Variants in KCNMA1 observed in about 807,000 individuals in gnomAD.
KCNMA1 encodes potassium calcium-activated channel subfamily M alpha 1.
Under a neutral mutation model 140.0 loss-of-function variants are expected in KCNMA1, and 29 were observed. The observed-to-expected ratio is 0.21, with a 90% CI of 0.15 to 0.28. KCNMA1 has a LOEUF of 0.28. Ranked by LOEUF, KCNMA1 falls within the 10% of genes least tolerant of loss-of-function variation. The pLI, the probability that KCNMA1 is intolerant of heterozygous loss-of-function variation, is 1.00. For missense variants in KCNMA1, 880 were observed against 1,602.2 expected (o/e 0.55, Z 7.70); for synonymous variants, 612 against 611.9 (o/e 1.00, Z 0.00).
intron 1 of KCNMA1, among the ~76,000 whole-genome samples, chr10:77,474,536 C>A (rs1445864542): frequency 6.6e-6 from 1 of 152,188 alleles, no homozygotes; most frequent in Non-Finnish European, 1.5e-5. Context: ...GAGAAGGTAA[C>A]TGTCGGTTGT....
At chr10:77,019,735 A>G (rs1482535900) in intron 16 of KCNMA1, 2 of 152,304 alleles carry the variant, frequency 1.3e-5, no homozygotes, top group African/African-American at 4.8e-5. Flanking sequence ...GCAGTTGGAT[A>G]TACTTAACAA....
intron 15 of KCNMA1, among the ~76,000 whole-genome samples, chr10:77,028,696 C>T (rs2093683476): frequency 1.3e-5 from 2 of 152,128 alleles, no homozygotes; most frequent in African/African-American, 2.4e-5. Flanking sequence ...GCTGTGGTCG[C>T]TCCCTATTGT....
intron 22 of KCNMA1, among the ~76,000 whole-genome samples, chr10:76,945,781 A>T (rs1461139372): frequency 7.0e-6 from 1 of 143,488 alleles, no homozygotes; most frequent in East Asian, 2.0e-4. Flanking sequence ...TACAGCAGTT[A>T]AAAAAAAGTA....
rs751628887 is a variant in KCNMA1, at chr10:77,215,878, G to GTC, written c.603-30964_603-30963dup. On this transcript the variant is annotated intron_variant, in intron 3 of 27. Coordinates refer to ENST00000286628, the MANE Select transcript of KCNMA1 (RefSeq NM_001161352.2). ...GTGAGCTTGCCCCTCCCCCCCACCT[G>GTC]TCTCTCTCTCTCTCCTCTCTCCTCT... 1.0e-3 allele frequency among the ~76,000 whole-genome samples: 153 copies of GTC among 146,222 alleles called. 1 individual carries two copies. The highest frequency in any genetic ancestry group is 5.0e-3 in the East Asian group (25 of 4,968).
intron 19 of KCNMA1, among the ~76,000 whole-genome samples, chr10:76,990,196 A>T (rs1417961494): frequency 6.6e-6 from 1 of 152,182 alleles, no homozygotes; most frequent in African/African-American, 2.4e-5. Context: ...TGGTGCCTTG[A>T]GAAGCACAAA....
At chr10:77,019,219 C>G in intron 16 of KCNMA1, 120 bp from the exon 17 acceptor site, 1 of 690,696 alleles carries the variant, frequency 1.4e-6, no homozygotes, top group South Asian at 1.6e-5. Context: ...TAAAGCTTTC[C>G]CCAAAGATTT....
At chr10:77,007,653 G>GTGTATATATATATATATATA in intron 18 of KCNMA1, among the ~76,000 whole-genome samples, 10 of 88,482 alleles carry the variant, frequency 1.1e-4, no homozygotes, top group African/African-American at 2.7e-4. Flanking sequence ...TTGTGTGTGT[G>GTGTATATATATATATATATA]TATATATATA....
At position 77,128,952 on chromosome 10, in the gene KCNMA1, T is replaced by C. The variant is rs531090863; in HGVS notation, c.809-7904A>G. Among the ~76,000 whole-genome samples, 14 of 152,278 alleles carry C rather than the reference T, an allele frequency of 9.2e-5. No individual in the cohort carries two copies. The East Asian group carries it at 2.7e-3, about 29-fold the overall frequency. On this transcript the variant is annotated intron_variant, in intron 5 of 27. Transcript: ENST00000286628. ...ATGCTGTTGGTCAGAAGACCACACT[T>C]TGGGAAAACAAGGCTGCAAGGCAGT...
At chr10:77,554,597 C>CAAAAAAAAAAAAAAAAAAAAAAAA (rs59754706) in intron 1 of KCNMA1, among the ~76,000 whole-genome samples, 1 of 84,096 alleles carries the variant, frequency 1.2e-5, no homozygotes, top group Non-Finnish European at 2.4e-5. Flanking sequence ...TACTCCATCT[C>CAAAAAAAAAAAAAAAAAAAAAAAA]AAAAAAAAAA....
chr10:76,872,632 C>T (rs1211985996), downstream of KCNMA1: 1 of 152,244 alleles, frequency 6.6e-6, no homozygotes, highest in Admixed American at 6.5e-5. Context: ...AAATCACATT[C>T]CTACAAATAC....
intron 2 of KCNMA1, among the ~76,000 whole-genome samples, chr10:77,260,750 C>A (rs978580058): frequency 1.3e-5 from 2 of 151,978 alleles, no homozygotes; most frequent in Non-Finnish European, 2.9e-5. Context: ...AAAACAGAAA[C>A]AGCAACCTCC....
chr10:76,991,032 CA>C (rs1425637568), intron 19 of KCNMA1, among the ~76,000 whole-genome samples: 1 of 152,164 alleles, frequency 6.6e-6, no homozygotes, highest in Non-Finnish European at 1.5e-5. Context: ...TACCTCGAGT[CA>C]GAGTCAAATT....
intron 15 of KCNMA1, among the ~76,000 whole-genome samples, chr10:77,033,477 C>T (rs2094098049): frequency 6.6e-6 from 1 of 152,122 alleles, no homozygotes; most frequent in Admixed American, 6.5e-5. Flanking sequence ...CTCACACACA[C>T]ACAATCTCCA....
intron 1 of KCNMA1, among the ~76,000 whole-genome samples, chr10:77,510,629 CAA>C (rs71305691): frequency 2.1e-5 from 3 of 140,336 alleles, no homozygotes; most frequent in African/African-American, 2.6e-5. Context: ...CCTGTCTCTA[CAA>C]AAAAAAAAAA....
intron 1 of KCNMA1, among the ~76,000 whole-genome samples, chr10:77,425,866 T>G (rs749842125): frequency 6.6e-6 from 1 of 152,196 alleles, no homozygotes; most frequent in Non-Finnish European, 1.5e-5. Context: ...TAGGCACCTG[T>G]GTTCATCGCG....
At chr10:76,870,167 G>A (rs1264180484) in exon 28 of KCNMA1, 1 of 152,772 alleles carries the variant, frequency 6.5e-6, no homozygotes, top group Non-Finnish European at 1.5e-5. Flanking sequence ...GGGCAGATGG[G>A]ACTCTGGTTT....
At chr10:77,454,724 A>G (rs1351016293) in intron 1 of KCNMA1, among the ~76,000 whole-genome samples, 1 of 152,170 alleles carries the variant, frequency 6.6e-6, no homozygotes, top group Non-Finnish European at 1.5e-5. Context: ...TTAATTTTTA[A>G]TTAGTGGAGC....
In KCNMA1 at chr10:77,084,661, G is replaced by A. The variant is rs751749571; in HGVS notation, c.1499C>T (p.Ala500Val). 1.9e-6 allele frequency: 3 copies of A among 1,613,914 alleles called. No individual in the cohort carries two copies. Among genetic ancestry groups the A allele is most frequent in the Admixed American group, 1.7e-5 (1 of 59,984 alleles). The change falls in exon 12 of 28, where the codon GCG (alanine) becomes GTG (valine). Residue 500 changes from alanine to valine, a missense_variant. Physicochemically the swap from Ala to Val is moderately conservative, Grantham distance 64. Around this residue, in one of 13 missense-constraint regions of KCNMA1, gnomAD observed 198 missense variants for 580.1 expected, o/e 0.34. Coordinates refer to ENST00000286628, the MANE Select transcript of KCNMA1 (RefSeq NM_001161352.2). ...LANKYCADPD[A>V]EDASNIMRVI... ...CCTCATGATATTCGAGGCATCCTCCGCATCCGGGTCAGCGCAGTACTTGTT... is the reference window on the plus strand; with the variant it reads ...CCTCATGATATTCGAGGCATCCTCCACATCCGGGTCAGCGCAGTACTTGTT...
chr10:77,577,841 C>G (rs746380438), intron 1 of KCNMA1, among the ~76,000 whole-genome samples: 3 of 152,184 alleles, frequency 2.0e-5, no homozygotes, highest in Non-Finnish European at 4.4e-5. Flanking sequence ...GGTGCCTAAA[C>G]TGAATAAAGA....
Sources: gnomAD v4.1 joint callset for allele counts (sites outside exome capture counted in the v4.1 genomes callset) on GRCh38, gnomAD v4.1.1 for gene constraint, gnomAD v4.1.1 regional missense constraint, MANE v1.5 for transcripts, NCBI Gene and HGNC (gene_info 2026-07-23, HGNC 2026-07-21) for gene names.